The following PBX1 variants were observed in gnomAD, a reference collection of about 807,000 sequenced individuals.
The protein encoded by PBX1 is pre-B-cell leukemia transcription factor 1.
PBX1 carries 6 observed loss-of-function variants against 53.4 expected under a neutral mutation model. The observed-to-expected ratio is 0.11, with a 90% CI of 0.06 to 0.22. PBX1 has a LOEUF of 0.22. Ranked by LOEUF, PBX1 falls within the 10% of genes least tolerant of loss-of-function variation. The probability of loss-of-function intolerance (pLI) is 1.00; values close to 1 mark genes in which losing one functional copy is unlikely to be tolerated. For synonymous variants in PBX1, 204 were observed against 212.3 expected (o/e 0.96, Z 0.34); for missense variants, 251 against 551.4 (o/e 0.46, Z 5.46).
chr1:164,733,478 G>A (rs1219446474), intron 2 of PBX1, among the ~76,000 whole-genome samples: 2 of 152,050 alleles, frequency 1.3e-5, no homozygotes, highest in African/African-American at 2.4e-5. Flanking sequence ...ACAGGTCTTT[G>A]TGACATTTTA....
At chr1:164,726,003 A>T (rs1383447893) in intron 2 of PBX1, among the ~76,000 whole-genome samples, 1 of 152,186 alleles carries the variant, frequency 6.6e-6, no homozygotes, top group Non-Finnish European at 1.5e-5. Context: ...GTTCAACTGA[A>T]AGTTTCTGAC....
At chr1:164,629,020 T>TG (rs1336809925) in intron 2 of PBX1, among the ~76,000 whole-genome samples, 1 of 152,198 alleles carries the variant, frequency 6.6e-6, no homozygotes, top group Non-Finnish European at 1.5e-5. Context: ...GCAAGATTCT[T>TG]GAAGTCAGTG....
intron 2 of PBX1, among the ~76,000 whole-genome samples, chr1:164,687,698 T>C (rs530677839): frequency 6.6e-6 from 1 of 151,692 alleles, no homozygotes; most frequent in South Asian, 2.1e-4. Context: ...GCCAAAAACA[T>C]ACGCAAGGTT....
chr1:164,644,280 A>C (rs1659318448), intron 2 of PBX1, among the ~76,000 whole-genome samples: 1 of 152,186 alleles, frequency 6.6e-6, no homozygotes, highest in African/African-American at 2.4e-5. Flanking sequence ...TTATTGGTGG[A>C]TCCACTTTTG....
chr1:164,670,651 A>G (rs1176363894), intron 2 of PBX1, among the ~76,000 whole-genome samples: 1 of 152,170 alleles, frequency 6.6e-6, no homozygotes, highest in African/African-American at 2.4e-5. Flanking sequence ...CAAGACTAAG[A>G]GAGAGAAAGG....
intron 2 of PBX1, among the ~76,000 whole-genome samples, chr1:164,564,546 G>A (rs1395974360): frequency 6.6e-6 from 1 of 152,060 alleles, no homozygotes; most frequent in Non-Finnish European, 1.5e-5. Context: ...AAATTAGTAC[G>A]CAGCTCCTTT....
chr1:164,631,991 G>A (rs1213881229), intron 2 of PBX1, among the ~76,000 whole-genome samples: 1 of 152,212 alleles, frequency 6.6e-6, no homozygotes, highest in African/African-American at 2.4e-5. Context: ...CCGTAGAGAG[G>A]CAAATTAGAG....
At chr1:164,685,938 C>T (rs908969138) in intron 2 of PBX1, among the ~76,000 whole-genome samples, 4 of 152,144 alleles carry the variant, frequency 2.6e-5, no homozygotes, top group African/African-American at 9.7e-5. Flanking sequence ...GGTGCCTGTT[C>T]CCCCGTGGTG....
intron 2 of PBX1, among the ~76,000 whole-genome samples, chr1:164,710,193 TTGAAAC>T (rs1663672672): frequency 2.0e-5 from 3 of 152,196 alleles, no homozygotes; most frequent in African/African-American, 7.2e-5. Context: ...TCTGCAGAAT[TTGAAAC>T]TGATGTCAAA....
At chr1:164,657,286 A>G (rs549116851) in intron 2 of PBX1, 1 of 152,228 alleles carries the variant, frequency 6.6e-6, no homozygotes, top group African/African-American at 2.4e-5. Context: ...TGCATCATAC[A>G]TTGGTATCTA....
intron 2 of PBX1, among the ~76,000 whole-genome samples, chr1:164,732,315 G>C (rs1665039304): frequency 6.6e-6 from 1 of 152,168 alleles, no homozygotes; most frequent in African/African-American, 2.4e-5. Flanking sequence ...ATGAGGATTA[G>C]TGCCACCCCA....
intron 8 of PBX1, chr1:164,828,797 GT>G (rs926767276): frequency 2.0e-5 from 3 of 152,172 alleles, no homozygotes; most frequent in Non-Finnish European, 4.4e-5. Context: ...TCTGAAGACA[GT>G]CTTCTTCTTG....
chr1:164,669,834 T>C (rs182344276), intron 2 of PBX1, among the ~76,000 whole-genome samples: 2 of 152,360 alleles, frequency 1.3e-5, no homozygotes, highest in Admixed American at 1.3e-4. Context: ...CTTTACTTTC[T>C]GTTTCTCCCT....
intron 2 of PBX1, among the ~76,000 whole-genome samples, chr1:164,623,385 C>T (rs1248954065): frequency 6.6e-6 from 1 of 152,190 alleles, no homozygotes; most frequent in African/African-American, 2.4e-5. Context: ...CACCCGTGTG[C>T]ACCATGTGTT....
At chr1:164,711,199 AACCAAG>A (rs970163301) in intron 2 of PBX1, among the ~76,000 whole-genome samples, 13 of 152,180 alleles carry the variant, frequency 8.5e-5, no homozygotes, top group Non-Finnish European at 1.3e-4. Flanking sequence ...AGTTGTCAGC[AACCAAG>A]ACCTCTGCTG....
chr1:164,615,382 C>A (rs1305330009), intron 2 of PBX1, among the ~76,000 whole-genome samples: 1 of 152,030 alleles, frequency 6.6e-6, no homozygotes, highest in Non-Finnish European at 1.5e-5. Flanking sequence ...GTTCAATTTT[C>A]TAGCACTGAT....
chr1:164,662,373 C>T (rs1405463007), intron 2 of PBX1, among the ~76,000 whole-genome samples: 1 of 152,150 alleles, frequency 6.6e-6, no homozygotes, highest in Non-Finnish European at 1.5e-5. Flanking sequence ...AAATTTCCAT[C>T]TGACCAGACT....
chr1:164,613,474 A>G (rs77344187), intron 2 of PBX1, among the ~76,000 whole-genome samples: 10,534 of 152,160 alleles, frequency 0.069, 468 homozygotes, highest in Middle Eastern at 0.1. Context: ...AATCAGCTGA[A>G]GTATCAGGAT....
At chr1:164,727,024 G>T (rs1346512715) in intron 2 of PBX1, among the ~76,000 whole-genome samples, 1 of 152,092 alleles carries the variant, frequency 6.6e-6, no homozygotes, top group Non-Finnish European at 1.5e-5. Context: ...CTTCATTTTG[G>T]TGAGATGCTT....
Sources: allele counts gnomAD v4.1 joint callset (sites outside exome capture counted in the v4.1 genomes callset), GRCh38; gene constraint gnomAD v4.1.1; transcripts MANE v1.5; gene names NCBI Gene and HGNC (gene_info 2026-07-23, HGNC 2026-07-21).